HORMAD2: variants seen among roughly 807,000 people sequenced by gnomAD.
HORMAD2 encodes HORMA domain-containing protein 2.
HORMAD2 carries 45 observed loss-of-function variants against 38.8 expected under a neutral mutation model. The observed-to-expected ratio is 1.16, with a 90% CI of 0.91 to 1.49. The LOEUF is 1.49. Among genes scored for constraint, HORMAD2 ranks in the 40% most tolerant of loss-of-function variants. The pLI is 0.00. For missense variants in HORMAD2, 338 were observed against 367.0 expected (o/e 0.92, Z 0.65); for synonymous variants, 126 against 122.8 (o/e 1.03, Z -0.17).
intron 10 of HORMAD2, among the ~76,000 whole-genome samples, chr22:30,155,256 T>G (rs1457487663): frequency 6.6e-6 from 1 of 152,162 alleles, no homozygotes; most frequent in African/African-American, 2.4e-5. Context: ...TTTTCCCCTT[T>G]GTAATTAATA....
chr22:30,180,846 TCTTCCCTTCTTCC>T (rs754774816), downstream of HORMAD2, among the ~76,000 whole-genome samples: 26 of 129,090 alleles, frequency 2.0e-4, no homozygotes, highest in East Asian at 4.7e-4. Context: ...TCTTCCCTTC[TCTTCCCTTCTTCC>T]CTTCCCTTCT....
chr22:30,176,486 G>T lies in HORMAD2; in HGVS notation c.*319G>T. 4.0e-6 allele frequency: 1 copy of T among 247,640 alleles called. No individual in the cohort carries two copies. The highest frequency in any genetic ancestry group is 7.0e-5 in the South Asian group (1 of 14,292). The allele number at this position is 247,640 out of a possible 1,614,324, so 15.3% of individuals were successfully genotyped here. On this transcript the variant is annotated 3_prime_UTR_variant, in exon 11 of 11. Coordinates refer to ENST00000336726, the MANE Select transcript of HORMAD2 (RefSeq NM_152510.4). ...TTGGAAAGAAGCTGTTGTTCTCAAA[G>T]GAAAGAAGGATTTTTTTGCATAATT...
intron 10 of HORMAD2, among the ~76,000 whole-genome samples, chr22:30,155,703 C>G (rs1671349864): frequency 6.6e-6 from 1 of 152,102 alleles, no homozygotes; most frequent in Non-Finnish European, 1.5e-5. Context: ...TATGAAAACC[C>G]ATGATTTCAC....
At chr22:30,110,191 A>T (rs910948290) in intron 5 of HORMAD2, among the ~76,000 whole-genome samples, 1 of 152,182 alleles carries the variant, frequency 6.6e-6, no homozygotes, top group Non-Finnish European at 1.5e-5. Context: ...CTCATTACAC[A>T]TTATATACAG....
At chr22:30,160,383 G>A (rs28594576) in intron 10 of HORMAD2, among the ~76,000 whole-genome samples, 1 of 152,108 alleles carries the variant, frequency 6.6e-6, no homozygotes, top group Admixed American at 6.6e-5. Context: ...TGGCCCTGCA[G>A]TTAGTTCTGT....
At chr22:30,132,504 C>T (rs1351873246) in intron 10 of HORMAD2, among the ~76,000 whole-genome samples, 2 of 150,244 alleles carry the variant, frequency 1.3e-5, no homozygotes, top group Non-Finnish European at 3.0e-5. Context: ...CAGGCTACTG[C>T]ACTCCAGCCT....
At chr22:30,161,422 A>G (rs1925433835) in intron 10 of HORMAD2, among the ~76,000 whole-genome samples, 1 of 152,200 alleles carries the variant, frequency 6.6e-6, no homozygotes, top group Non-Finnish European at 1.5e-5. Flanking sequence ...TTTTTGAAGA[A>G]TCAGCAAATG....
At chr22:30,199,423 T>C in the HORMAD2 span, among the ~76,000 whole-genome samples, 1 of 152,202 alleles carries the variant, frequency 6.6e-6, no homozygotes, top group South Asian at 2.1e-4. Context: ...CTGCTAATGA[T>C]AAATGGTGAA....
chr22:30,113,376 G>A (rs1032204696), intron 7 of HORMAD2, among the ~76,000 whole-genome samples: 8 of 151,534 alleles, frequency 5.3e-5, no homozygotes, highest in Admixed American at 1.3e-4. Context: ...CACCATGGCC[G>A]GCTAATTTTT....
intron 10 of HORMAD2, among the ~76,000 whole-genome samples, chr22:30,129,945 T>C (rs1373772647): frequency 6.6e-6 from 1 of 152,244 alleles, no homozygotes; most frequent in Non-Finnish European, 1.5e-5. Context: ...CAATACTGAA[T>C]GTTCCACGCC....
intron 10 of HORMAD2, among the ~76,000 whole-genome samples, chr22:30,146,364 G>A (rs1379788343): frequency 2.0e-5 from 3 of 152,002 alleles, no homozygotes; most frequent in Non-Finnish European, 4.4e-5. Flanking sequence ...GCCTGGGGGC[G>A]CGTGCCTATA....
At chr22:30,159,878 C>T (rs565976287) in intron 10 of HORMAD2, among the ~76,000 whole-genome samples, 4 of 152,082 alleles carry the variant, frequency 2.6e-5, no homozygotes, top group Non-Finnish European at 5.9e-5. Context: ...CAAAAGACTT[C>T]CTTACTGACT....
intron 10 of HORMAD2, among the ~76,000 whole-genome samples, chr22:30,160,278 C>G (rs554722083): frequency 6.6e-6 from 1 of 151,642 alleles, no homozygotes; most frequent in Non-Finnish European, 1.5e-5. Context: ...GGTTTTCTTT[C>G]ATTTTCTTTA....
intron 10 of HORMAD2, among the ~76,000 whole-genome samples, chr22:30,131,167 C>T (rs1923258358): frequency 6.6e-6 from 1 of 152,058 alleles, no homozygotes; most frequent in Non-Finnish European, 1.5e-5. Flanking sequence ...TGTTTAAATG[C>T]TAAGGAAAAA....
At chr22:30,206,342 T>A in the HORMAD2 span, among the ~76,000 whole-genome samples, 3 of 152,100 alleles carry the variant, frequency 2.0e-5, no homozygotes, top group Non-Finnish European at 4.4e-5. Context: ...AATTTTGTAT[T>A]AGAGATGGGG....
At chr22:30,109,027 CCTTT>C (rs1218937184) in intron 5 of HORMAD2, among the ~76,000 whole-genome samples, 4 of 149,364 alleles carry the variant, frequency 2.7e-5, no homozygotes, top group East Asian at 3.9e-4. Context: ...CTCCTTCCTT[CCTTT>C]CTTCTTTTTT....
chr22:30,169,814 A>G (rs1417250580), intron 10 of HORMAD2, among the ~76,000 whole-genome samples: 1 of 152,176 alleles, frequency 6.6e-6, no homozygotes. Flanking sequence ...GGTCAATGGC[A>G]TTACCACAAA....
intron 10 of HORMAD2, among the ~76,000 whole-genome samples, chr22:30,127,853 A>G (rs1354502191): frequency 6.6e-6 from 1 of 152,188 alleles, no homozygotes; most frequent in Non-Finnish European, 1.5e-5. Flanking sequence ...CCAACCAGGA[A>G]TATGTTCAAC....
At chr22:30,137,590 G>A (rs909994482) in intron 10 of HORMAD2, 1 of 154,520 alleles carries the variant, frequency 6.5e-6, no homozygotes, top group Non-Finnish European at 1.4e-5. Context: ...AAGAAGGAGG[G>A]AGAGAAAGAA....
Sources: allele counts gnomAD v4.1 joint callset (sites outside exome capture counted in the v4.1 genomes callset), GRCh38; gene constraint gnomAD v4.1.1; transcripts MANE v1.5; gene names NCBI Gene and HGNC (gene_info 2026-07-23, HGNC 2026-07-21).